Variants in LRRC74A observed in about 807,000 individuals in gnomAD.
LRRC74A encodes leucine rich repeat containing 74A.
Under a neutral mutation model 57.9 loss-of-function variants are expected in LRRC74A, and 44 were observed. That is an observed-to-expected ratio of 0.76 (90% CI 0.60 to 0.98). The LOEUF is 0.98. Ranked by LOEUF, LRRC74A falls within the 50% of genes least tolerant of loss-of-function variation. The pLI is 0.00. For synonymous variants in LRRC74A, 211 were observed against 219.4 expected (o/e 0.96, Z 0.34); for missense variants, 572 against 574.0 (o/e 1.00, Z 0.04).
intron 4 of LRRC74A, 33 bp from the exon 5 acceptor site, chr14:76,837,842 T>G (rs1158807443): frequency 1.4e-6 from 2 of 1,387,638 alleles, no homozygotes; most frequent in Admixed American, 2.0e-5. Context: ...TGGTGAGCTT[T>G]TTTACATACC....
intron 1 of LRRC74A, among the ~76,000 whole-genome samples, chr14:76,827,029 T>C (rs969144719): frequency 6.6e-6 from 1 of 152,250 alleles, no homozygotes; most frequent in Non-Finnish European, 1.5e-5. Context: ...TTACACCACA[T>C]GAATTGGCTA....
intron 11 of LRRC74A, among the ~76,000 whole-genome samples, chr14:76,865,513 AT>A (rs1269189701): frequency 2.0e-5 from 3 of 152,248 alleles, no homozygotes; most frequent in African/African-American, 4.8e-5. Flanking sequence ...AAACTGTCAC[AT>A]TATACAGCTG....
chr14:76,863,840 T>TTG (rs1898526973), intron 11 of LRRC74A, among the ~76,000 whole-genome samples: 1 of 152,156 alleles, frequency 6.6e-6, no homozygotes, highest in East Asian at 1.9e-4. Context: ...TTGCCAAGAG[T>TTG]TGCTGCTTCT....
chr14:76,860,971 T>G, intron 11 of LRRC74A, 132 bp downstream of exon 11: 1 of 820,576 alleles, frequency 1.2e-6, no homozygotes, highest in Non-Finnish European at 1.8e-6. Context: ...AATGTCTCAG[T>G]CCCTTGGACA....
In LRRC74A at chr14:76,866,089, T is replaced by C. The variant is rs747103607; in HGVS notation, c.1308+14T>C. The C allele has an allele frequency of 9.6e-5, 143 of 1,493,168 alleles. 2 individuals carry two copies. In the South Asian group the frequency reaches 1.1e-3, roughly 12 times the overall value. 92.5% of individuals were successfully genotyped at this position (1,493,168 alleles called of 1,614,324 possible). A position where few individuals can be genotyped will look rare whatever the true frequency, so the allele number is the denominator to read the frequency against. The stretch of plus-strand genomic sequence containing the variant: ...GTGATGATAGAGGTGTGCTGGGTCC[T>C]AGTGGCAACAGGCTGTGTGTGAGTG... On this transcript the variant is annotated intron_variant, in intron 12 of 13. Coordinates refer to ENST00000689127, the MANE Select transcript of LRRC74A (RefSeq NM_001385106.1).
At chr14:76,864,264 C>T (rs1288697675) in intron 11 of LRRC74A, among the ~76,000 whole-genome samples, 2 of 151,838 alleles carry the variant, frequency 1.3e-5, no homozygotes, top group East Asian at 1.9e-4. Context: ...GGTGGGAGGC[C>T]GTGCACTCCA....
rs1357873447 is a variant in LRRC74A, at chr14:76,859,434, T to C, written c.1054-1259T>C. Among the ~76,000 whole-genome samples the C allele has an allele frequency of 2.0e-5, 3 of 149,342 alleles. No homozygotes were observed. The East Asian group carries it at 6.0e-4, about 30-fold the overall frequency. On this transcript the variant is annotated intron_variant, in intron 10 of 13. Transcript: ENST00000689127. ...CTGTAATCATAGCTACCTGGGAGGCTGAAGCAGGAGAATCACTTGAACCTG... is the reference window on the plus strand; with the variant it reads ...CTGTAATCATAGCTACCTGGGAGGCCGAAGCAGGAGAATCACTTGAACCTG...
chr14:76,867,346 ACCT>A lies in LRRC74A; in HGVS notation c.1309-5_1309-3del, dbSNP rs1899012277. The A allele has an allele frequency of 6.8e-7, 1 of 1,466,660 alleles. No individual in the cohort carries two copies. The highest frequency in any genetic ancestry group is 9.5e-7 in the Non-Finnish European group (1 of 1,048,886). The allele number at this position is 1,466,660 out of a possible 1,614,324, so 90.9% of individuals were successfully genotyped here. Reference sequence around the variant, plus strand: ...TCTATTAACTGCACATGTTCCATCCACCTCCTCAGCAAAACAAGGTCCCCCTGA... The same window carrying A: ...TCTATTAACTGCACATGTTCCATCCACCTCAGCAAAACAAGGTCCCCCTGA... On this transcript the variant is annotated splice_polypyrimidine_tract_variant and splice_region_variant and intron_variant, in intron 12 of 13. Coordinates refer to ENST00000689127, the MANE Select transcript of LRRC74A (RefSeq NM_001385106.1).
At chr14:76,870,085 G>A (rs11625243) in intron 13 of LRRC74A, 40 bp from the exon 14 acceptor site, 1,064,417 of 1,598,420 alleles carry the variant, frequency 0.67, 361,304 homozygotes, top group South Asian at 0.76. Context: ...CCATGAGGCT[G>A]TACGGGTGCT....
At position 76,828,349 on chromosome 14, in the gene LRRC74A, C is replaced by A; in HGVS notation, c.96C>A (p.Ala32=). The change falls in exon 2 of 14, where the codon GCC becomes GCA. Residue 32 remains alanine, a synonymous_variant. Coordinates refer to ENST00000689127, the MANE Select transcript of LRRC74A (RefSeq NM_001385106.1). ...GCGATAAAATGCTCTACTGTGAGGC[C>A]GAATCCCCGCCGACTGTTGAAAAAG... is the stretch of plus-strand genomic sequence containing the variant. ...QSSDKMLYCE[A]ESPPTVEKVK... 1 of 1,613,572 alleles carries A rather than the reference C, an allele frequency of 6.2e-7. No individual in the cohort carries two copies. Among genetic ancestry groups the A allele is most frequent in the Non-Finnish European group, 8.5e-7 (1 of 1,179,562 alleles).
chr14:76,862,135 T>C (rs1898357216), intron 11 of LRRC74A, among the ~76,000 whole-genome samples: 2 of 152,192 alleles, frequency 1.3e-5, no homozygotes, highest in Non-Finnish European at 2.9e-5. Context: ...AAAAGAATCT[T>C]GGAGACCAAA....
rs142713488 is a variant in LRRC74A, at chr14:76,853,345, G to T, written c.892G>T (p.Gly298Cys). Reference protein sequence around the residue: ...VYLDIGGNDIGNEGASKISKG... With the variant: ...VYLDIGGNDICNEGASKISKG... ...CCTGGATATCGGTGGCAATGACATC[G>T]GCAATGAAGGGGCCTCCAAAATCAG... is the stretch of plus-strand genomic sequence containing the variant. The change falls in exon 9 of 14, where the codon GGC becomes TGC. Residue 298 changes from glycine to cysteine, a missense_variant. Transcript: ENST00000689127. 6.2e-7 allele frequency: 1 copy of T among 1,613,240 alleles called. No individual in the cohort carries two copies. Among genetic ancestry groups the T allele is most frequent in the Non-Finnish European group, 8.5e-7 (1 of 1,179,710 alleles).
At chr14:76,859,831 G>T (rs1293640740) in intron 10 of LRRC74A, among the ~76,000 whole-genome samples, 4 of 151,638 alleles carry the variant, frequency 2.6e-5, no homozygotes, top group Non-Finnish European at 5.9e-5. Context: ...ACCCACTACC[G>T]CACCTGGCTA....
intron 5 of LRRC74A, among the ~76,000 whole-genome samples, chr14:76,842,054 A>G (rs1023050134): frequency 1.3e-5 from 2 of 152,102 alleles, no homozygotes; most frequent in Non-Finnish European, 1.5e-5. Flanking sequence ...AGTTTCTTCT[A>G]TTATAAGCCT....
chr14:76,836,181 T>C (rs772506580), intron 3 of LRRC74A, 26 bp from the exon 4 acceptor site: 3 of 1,561,960 alleles, frequency 1.9e-6, no homozygotes, highest in South Asian at 1.1e-5. Context: ...TCTGTGTCTC[T>C]CTCCCTCCCC....
intron 11 of LRRC74A, among the ~76,000 whole-genome samples, chr14:76,861,978 G>A (rs1465756042): frequency 2.0e-5 from 3 of 152,202 alleles, no homozygotes; most frequent in South Asian, 2.1e-4. Flanking sequence ...AAGACAAAGC[G>A]GTGTCCAGTA....
At chr14:76,836,443 C>T (rs200550117) in intron 4 of LRRC74A, 129 bp downstream of exon 4, 9 of 602,376 alleles carry the variant, frequency 1.5e-5, no homozygotes, top group East Asian at 5.7e-5. Context: ...CCTTCCCACA[C>T]GACTTCTTAG....
chr14:76,827,931 C>A (rs1343564571), intron 1 of LRRC74A, among the ~76,000 whole-genome samples: 1 of 152,302 alleles, frequency 6.6e-6, no homozygotes, highest in South Asian at 2.1e-4. Context: ...CGGGACCCAC[C>A]CTTTCACCTG....
chr14:76,832,523 G>T (rs1896042707), intron 3 of LRRC74A, among the ~76,000 whole-genome samples: 1 of 152,194 alleles, frequency 6.6e-6, no homozygotes, highest in African/African-American at 2.4e-5. Context: ...GCCCAGGCTG[G>T]TCTCAAACTC....
Sources: allele counts gnomAD v4.1 joint callset (sites outside exome capture counted in the v4.1 genomes callset), GRCh38; gene constraint gnomAD v4.1.1; transcripts MANE v1.5; gene names NCBI Gene and HGNC (gene_info 2026-07-23, HGNC 2026-07-21).